Variants in CDH18 observed in about 807,000 individuals in gnomAD.
CDH18 encodes cadherin-18.
CDH18 carries 31 observed loss-of-function variants against 67.9 expected under a neutral mutation model. The ratio of observed to expected loss-of-function variants is 0.46; its 90% CI spans 0.34 to 0.62. The LOEUF (loss-of-function observed/expected upper bound fraction) is 0.62. CDH18 is among the 20% of genes least tolerant of loss of function. The pLI is 0.01. For missense variants in CDH18, 890 were observed against 975.5 expected, an observed-to-expected ratio of 0.91 and a Z score of 1.17; for synonymous variants, 362 against 347.2, an observed-to-expected ratio of 1.04 and a Z score of -0.48.
At chr5:20,407,891 C>G (rs1055971770) in intron 1 of CDH18, among the ~76,000 whole-genome samples, 3 of 151,876 alleles carry the variant, frequency 2.0e-5, no homozygotes, top group African/African-American at 7.2e-5. Context: ...AAATGAACAT[C>G]TAATTCAGAA....
rs570793859 is a variant in CDH18, at chr5:20,052,044, GTAA to G, written c.-517-60033_-517-60031del. Among the ~76,000 whole-genome samples the G allele has an allele frequency of 4.4e-4, 67 of 152,204 alleles. No individual in the cohort carries two copies. The East Asian group carries it at 8.7e-3, about 20-fold the overall frequency. On this transcript the variant is annotated intron_variant, in intron 2 of 14. Transcript: ENST00000507958. ...GTAACATTTTTGTATAATGCACACA[GTAA>G]TAATAATTCCTCATGTAAAGATGAA... is the stretch of plus-strand genomic sequence containing the variant.
chr5:19,823,121 G>A (rs1396153267), intron 3 of CDH18, among the ~76,000 whole-genome samples: 1 of 152,198 alleles, frequency 6.6e-6, no homozygotes, highest in Non-Finnish European at 1.5e-5. Flanking sequence ...CTTGTTCCCT[G>A]AACATTGCTG....
intron 2 of CDH18, among the ~76,000 whole-genome samples, chr5:19,947,585 C>CAAAAAAAAAAA (rs35601486): frequency 3.8e-5 from 2 of 53,308 alleles, no homozygotes; most frequent in East Asian, 1.0e-3. Context: ...TACTAAAATA[C>CAAAAAAAAAAA]AAAAAAAAAA....
intron 2 of CDH18, among the ~76,000 whole-genome samples, chr5:19,926,315 T>C (rs1793085255): frequency 6.6e-6 from 1 of 152,286 alleles, no homozygotes; most frequent in African/African-American, 2.4e-5. Flanking sequence ...AAATGTCAAA[T>C]ATGTTTTATA....
intron 3 of CDH18, among the ~76,000 whole-genome samples, chr5:19,805,476 T>C (rs1158401639): frequency 2.6e-5 from 4 of 152,186 alleles, no homozygotes; most frequent in Non-Finnish European, 5.9e-5. Context: ...TGTGTTTTCC[T>C]AACTCTTTCT....
chr5:20,387,880 C>T (rs1211542232), intron 1 of CDH18, among the ~76,000 whole-genome samples: 6 of 152,022 alleles, frequency 3.9e-5, no homozygotes, highest in African/African-American at 7.3e-5. Context: ...TATTGATTTG[C>T]GTATGTTGAA....
chr5:20,011,572 G>T (rs1382455206), intron 2 of CDH18, among the ~76,000 whole-genome samples: 1 of 152,046 alleles, frequency 6.6e-6, no homozygotes, highest in Non-Finnish European at 1.5e-5. Flanking sequence ...GATTATTCAG[G>T]ATGATATTGG....
chr5:20,172,231 T>C (rs1276102950), intron 2 of CDH18, among the ~76,000 whole-genome samples: 5 of 122,176 alleles, frequency 4.1e-5, no homozygotes, highest in Non-Finnish European at 8.3e-5. Context: ...TATGTATATA[T>C]ATATATATGT....
At chr5:20,340,860 G>A (rs571533445) in intron 1 of CDH18, among the ~76,000 whole-genome samples, 16 of 152,288 alleles carry the variant, frequency 1.1e-4, no homozygotes, top group African/African-American at 3.9e-4. Context: ...TTGGAGCTGG[G>A]TAGAACTCTT....
intron 1 of CDH18, among the ~76,000 whole-genome samples, chr5:20,429,694 C>T (rs1177313347): frequency 6.6e-6 from 1 of 152,128 alleles, no homozygotes; most frequent in Non-Finnish European, 1.5e-5. Context: ...GTAAGAACTG[C>T]AGTTTGCATA....
chr5:20,305,009 T>G (rs1338092452), intron 1 of CDH18: 1 of 1,613,536 alleles, frequency 6.2e-7, no homozygotes, highest in African/African-American at 1.3e-5. Flanking sequence ...CAAGCTTTAC[T>G]GGAAGCAAGG....
intron 2 of CDH18, among the ~76,000 whole-genome samples, chr5:19,841,561 T>C (rs1459299514): frequency 7.3e-6 from 1 of 136,490 alleles, no homozygotes. Flanking sequence ...AATTTTCAAA[T>C]CATGAATTTC....
chr5:19,970,406 T>C (rs1379212137), intron 2 of CDH18, among the ~76,000 whole-genome samples: 1 of 151,654 alleles, frequency 6.6e-6, no homozygotes, highest in Non-Finnish European at 1.5e-5. Context: ...AGAGAGGATA[T>C]CCTTCTGTTC....
intron 1 of CDH18, among the ~76,000 whole-genome samples, chr5:20,535,778 A>T (rs1397508204): frequency 1.3e-5 from 2 of 152,138 alleles, no homozygotes; most frequent in Admixed American, 6.6e-5. Flanking sequence ...GCAGTAGAGA[A>T]TCCAGATGAG....
At chr5:19,906,806 T>C (rs1399850972) in intron 2 of CDH18, among the ~76,000 whole-genome samples, 3 of 151,962 alleles carry the variant, frequency 2.0e-5, no homozygotes, top group Non-Finnish European at 4.4e-5. Context: ...TGGGCCATGA[T>C]AATAATAAAT....
intron 2 of CDH18, among the ~76,000 whole-genome samples, chr5:20,228,424 A>G (rs1741808700): frequency 6.6e-6 from 1 of 152,126 alleles, no homozygotes; most frequent in Admixed American, 6.6e-5. Context: ...GAATGACTAA[A>G]TATACCTAAT....
intron 1 of CDH18, among the ~76,000 whole-genome samples, chr5:20,293,032 T>A (rs2149947031): frequency 6.6e-6 from 1 of 152,116 alleles, no homozygotes; most frequent in East Asian, 1.9e-4. Context: ...CTGTTCAGAG[T>A]GAGGCCAGGT....
intron 9 of CDH18, among the ~76,000 whole-genome samples, chr5:19,527,201 C>T (rs1237200174): frequency 6.6e-6 from 1 of 151,724 alleles, no homozygotes; most frequent in South Asian, 2.1e-4. Context: ...TGAAAACAAA[C>T]TATCCACTTA....
At chr5:19,511,723 T>A (rs893775181) in intron 10 of CDH18, among the ~76,000 whole-genome samples, 17 of 152,136 alleles carry the variant, frequency 1.1e-4, no homozygotes, top group Non-Finnish European at 2.5e-4. Context: ...CTGGTGCTCT[T>A]AAAATCATTC....
Sources: gnomAD v4.1 joint callset for allele counts (sites outside exome capture counted in the v4.1 genomes callset) on GRCh38, gnomAD v4.1.1 for gene constraint, MANE v1.5 for transcripts, NCBI Gene and HGNC (gene_info 2026-07-23, HGNC 2026-07-21) for gene names.